Variants in LRMDA observed in about 807,000 individuals in gnomAD.
LRMDA encodes leucine-rich melanocyte differentiation-associated protein.
LRMDA carries 18 observed loss-of-function variants against 29.8 expected under a neutral mutation model. The observed-to-expected ratio is 0.60, with a 90% CI of 0.42 to 0.90. The LOEUF (loss-of-function observed/expected upper bound fraction) is 0.90. Ranked by LOEUF, LRMDA falls within the 40% of genes least tolerant of loss-of-function variation. LRMDA has a pLI of 0.00. For missense variants in LRMDA, 273 were observed against 273.9 expected (o/e 1.00, Z 0.02); for synonymous variants, 125 against 109.4 (o/e 1.14, Z -0.89).
chr10:76,502,159 C>G (rs1015670117), intron 6 of LRMDA, among the ~76,000 whole-genome samples: 3 of 151,966 alleles, frequency 2.0e-5, no homozygotes, highest in Non-Finnish European at 4.4e-5. Flanking sequence ...TGTCAAAAAT[C>G]AGATGGTTGT....
chr10:75,853,330 G>A (rs536507429), intron 2 of LRMDA, among the ~76,000 whole-genome samples: 1 of 152,220 alleles, frequency 6.6e-6, no homozygotes, highest in East Asian at 1.9e-4. Context: ...CTTGGAAAAT[G>A]AAAATGATCT....
chr10:76,098,343 T>A (rs2132099379), intron 5 of LRMDA, among the ~76,000 whole-genome samples: 1 of 152,306 alleles, frequency 6.6e-6, no homozygotes, highest in African/African-American at 2.4e-5. Context: ...TGTCAGAAGA[T>A]TTTTAACTAC....
intron 2 of LRMDA, among the ~76,000 whole-genome samples, chr10:75,995,565 T>A (rs1368588305): frequency 6.6e-6 from 1 of 152,230 alleles, no homozygotes; most frequent in Non-Finnish European, 1.5e-5. Context: ...TTGAACTTCT[T>A]TCCTTATTTC....
intron 4 of LRMDA, among the ~76,000 whole-genome samples, chr10:76,052,261 G>GA (rs1848542019): frequency 6.6e-6 from 1 of 152,230 alleles, no homozygotes; most frequent in Non-Finnish European, 1.5e-5. Context: ...TTTTAAAAAC[G>GA]AAACAAAACT....
At chr10:76,025,797 C>T (rs1253689714) in intron 2 of LRMDA, among the ~76,000 whole-genome samples, 1 of 152,172 alleles carries the variant, frequency 6.6e-6, no homozygotes, top group Non-Finnish European at 1.5e-5. Context: ...CCTTCACCAG[C>T]CCCAGCCCCT....
chr10:75,679,558 C>T (rs970150454), intron 2 of LRMDA, among the ~76,000 whole-genome samples: 1 of 152,182 alleles, frequency 6.6e-6, no homozygotes, highest in African/African-American at 2.4e-5. Context: ...CCATGCATCT[C>T]TCTTGGGGTA....
At chr10:75,590,422 T>C (rs1840708850) in intron 2 of LRMDA, among the ~76,000 whole-genome samples, 1 of 95,416 alleles carries the variant, frequency 1.0e-5, no homozygotes, top group Non-Finnish European at 2.8e-5. Flanking sequence ...AGTACTTTTA[T>C]GGTTTCCTTA....
chr10:76,073,138 T>C (rs762673082), intron 5 of LRMDA, among the ~76,000 whole-genome samples: 1 of 152,238 alleles, frequency 6.6e-6, no homozygotes, highest in Non-Finnish European at 1.5e-5. Context: ...TATGTGTGGT[T>C]ATCAAAGATG....
chr10:76,513,991 A>G (rs1406391809), intron 6 of LRMDA, among the ~76,000 whole-genome samples: 1 of 152,146 alleles, frequency 6.6e-6, no homozygotes, highest in Non-Finnish European at 1.5e-5. Flanking sequence ...CACAGAACAA[A>G]TAGTATTAGG....
chr10:75,451,904 G>A (rs1174210595), intron 2 of LRMDA, among the ~76,000 whole-genome samples: 1 of 151,148 alleles, frequency 6.6e-6, no homozygotes, highest in Non-Finnish European at 1.5e-5. Flanking sequence ...TTTTTTTGGT[G>A]TGTGTGTATG....
In LRMDA at chr10:75,629,710, A is replaced by C. The variant is rs187498180; in HGVS notation, c.131+191216A>C. On this transcript the variant is annotated intron_variant, in intron 2 of 6. Coordinates refer to ENST00000611255, the MANE Select transcript of LRMDA (RefSeq NM_001305581.2). ...GCATTTATATCTGTTCATGGGCTCT[A>C]AATGTTTGATTTGCATAACTAGTTA... 1.6e-3 allele frequency among the ~76,000 whole-genome samples: 244 copies of C among 152,362 alleles called. No homozygotes were observed. In the Middle Eastern group the frequency reaches 0.017, roughly 11 times the overall value.
intron 2 of LRMDA, among the ~76,000 whole-genome samples, chr10:75,662,797 G>A (rs1841770635): frequency 6.6e-6 from 1 of 152,140 alleles, no homozygotes; most frequent in Admixed American, 6.5e-5. Context: ...TGGTATTTGG[G>A]TATGCACATG....
At position 76,261,728 on chromosome 10, in the gene LRMDA, T is replaced by A. The variant is rs574187836; in HGVS notation, c.517-62673T>A. 2.6e-5 allele frequency among the ~76,000 whole-genome samples: 4 copies of A among 152,338 alleles called. No individual in the cohort carries two copies. In the South Asian group the frequency reaches 8.3e-4, roughly 32 times the overall value. ...AACTTTAAATATTTGCTTTACATATTTTTTGAAAGTCACATGTGCAAACAT... is the reference window on the plus strand; with the variant it reads ...AACTTTAAATATTTGCTTTACATATATTTTGAAAGTCACATGTGCAAACAT... On this transcript the variant is annotated intron_variant, in intron 5 of 6. Coordinates refer to ENST00000611255, the MANE Select transcript of LRMDA (RefSeq NM_001305581.2).
At chr10:76,043,403 AT>A (rs1848372898) in intron 3 of LRMDA, among the ~76,000 whole-genome samples, 1 of 152,196 alleles carries the variant, frequency 6.6e-6, no homozygotes, top group Admixed American at 6.5e-5. Flanking sequence ...TCATAATTAA[AT>A]GTTACTCCTA....
chr10:75,885,572 T>C (rs1374190726), intron 2 of LRMDA, among the ~76,000 whole-genome samples: 9 of 152,210 alleles, frequency 5.9e-5, no homozygotes, highest in Non-Finnish European at 1.3e-4. Context: ...ATGGAAGTGA[T>C]GGCTTATACT....
At chr10:76,208,934 AC>A (rs1851586585) in intron 5 of LRMDA, among the ~76,000 whole-genome samples, 1 of 152,062 alleles carries the variant, frequency 6.6e-6, no homozygotes, top group South Asian at 2.1e-4. Flanking sequence ...AGGGCGGATC[AC>A]CTGAGGTCAG....
intron 2 of LRMDA, among the ~76,000 whole-genome samples, chr10:75,882,195 G>A (rs1209126684): frequency 6.6e-6 from 1 of 152,194 alleles, no homozygotes; most frequent in East Asian, 1.9e-4. Flanking sequence ...CTGGGGAGGC[G>A]AGCAGGGTCA....
chr10:76,351,579 A>G (rs1440571493), intron 6 of LRMDA, among the ~76,000 whole-genome samples: 8 of 151,816 alleles, frequency 5.3e-5, no homozygotes, highest in Non-Finnish European at 1.2e-4. Context: ...ATATTAGCAG[A>G]TTTGCTCAGT....
chr10:75,825,035 T>A (rs751706200), intron 2 of LRMDA, among the ~76,000 whole-genome samples: 9 of 152,148 alleles, frequency 5.9e-5, no homozygotes, highest in Non-Finnish European at 1.2e-4. Flanking sequence ...ACCTTCATTA[T>A]CAGCTGACGC....
Sources: gnomAD v4.1 joint callset for allele counts (sites outside exome capture counted in the v4.1 genomes callset) on GRCh38, gnomAD v4.1.1 for gene constraint, MANE v1.5 for transcripts, NCBI Gene and HGNC (gene_info 2026-07-23, HGNC 2026-07-21) for gene names.